Variants in GRM5 observed in about 807,000 individuals in gnomAD.
GRM5 encodes the protein metabotropic glutamate receptor 5.
In GRM5, 19 loss-of-function variants were observed where a neutral mutation model predicts 83.1. The ratio of observed to expected loss-of-function variants is 0.23; its 90% confidence interval spans 0.16 to 0.34. The LOEUF is 0.34. Ranked by LOEUF, GRM5 falls within the 10% of genes least tolerant of loss-of-function variation. The pLI, the probability that GRM5 is intolerant of heterozygous loss-of-function variation, is 1.00. For missense variants in GRM5, 1,160 were observed against 1,588.3 expected (o/e 0.73, Z 4.58); for synonymous variants, 675 against 633.6 (o/e 1.07, Z -0.98).
chr11:88,737,135 C>T (rs12290260), intron 3 of GRM5, among the ~76,000 whole-genome samples: 16,060 of 152,124 alleles, frequency 0.11, 1,716 homozygotes, highest in African/African-American at 0.28. Flanking sequence ...AAAGCTCACA[C>T]TATGAAAAGA....
intron 2 of GRM5, chr11:88,925,684 A>G: frequency 2.2e-6 from 1 of 446,128 alleles, no homozygotes; most frequent in Non-Finnish European, 4.5e-6. Flanking sequence ...GGCTGAAGCA[A>G]GCAGATCACT....
chr11:88,781,872 G>T (rs1341678478), intron 3 of GRM5, among the ~76,000 whole-genome samples: 1 of 152,156 alleles, frequency 6.6e-6, no homozygotes, highest in African/African-American at 2.4e-5. Context: ...AAGCAATGGG[G>T]CTGCCCACAG....
At chr11:88,957,830 T>G (rs1287223554) in intron 2 of GRM5, among the ~76,000 whole-genome samples, 1 of 152,094 alleles carries the variant, frequency 6.6e-6, no homozygotes, top group Non-Finnish European at 1.5e-5. Flanking sequence ...AAAATGTAAA[T>G]AGAGTTTACA....
chr11:88,644,833 C>G (rs1292056068), intron 4 of GRM5, among the ~76,000 whole-genome samples: 2 of 151,934 alleles, frequency 1.3e-5, no homozygotes, highest in Admixed American at 6.6e-5. Flanking sequence ...GAATTAAGCA[C>G]CACAGTGGCA....
At chr11:88,939,032 C>A (rs1164704379) in intron 2 of GRM5, among the ~76,000 whole-genome samples, 3 of 151,702 alleles carry the variant, frequency 2.0e-5, no homozygotes, top group Non-Finnish European at 3.0e-5. Flanking sequence ...TTCACAATTG[C>A]TCTATTTTTT....
intron 3 of GRM5, among the ~76,000 whole-genome samples, chr11:88,715,433 G>GAA (rs5793345): frequency 5.3e-5 from 8 of 150,402 alleles, no homozygotes; most frequent in African/African-American, 9.8e-5. Flanking sequence ...ATTTTTTCAT[G>GAA]AAAAAAAAAA....
At chr11:88,623,048 A>G (rs142292958) in intron 4 of GRM5, among the ~76,000 whole-genome samples, 1 of 152,174 alleles carries the variant, frequency 6.6e-6, no homozygotes, top group African/African-American at 2.4e-5. Context: ...TTAAGTGTTA[A>G]TTATGATAAT....
At chr11:88,830,162 T>C (rs993345230) in intron 3 of GRM5, among the ~76,000 whole-genome samples, 7 of 152,060 alleles carry the variant, frequency 4.6e-5, no homozygotes, top group African/African-American at 1.7e-4. Context: ...CTTATATTAA[T>C]GCTACATGTT....
intron 2 of GRM5, among the ~76,000 whole-genome samples, chr11:88,982,317 A>G (rs1317079098): frequency 6.6e-6 from 1 of 152,218 alleles, no homozygotes; most frequent in Non-Finnish European, 1.5e-5. Context: ...CATTTATAAT[A>G]CAATCTAAAA....
At chr11:88,610,966 A>G (rs1261087046) in intron 4 of GRM5, among the ~76,000 whole-genome samples, 2 of 152,144 alleles carry the variant, frequency 1.3e-5, no homozygotes, top group Non-Finnish European at 2.9e-5. Flanking sequence ...TTCTGCATCT[A>G]TTGAGATGAT....
chr11:88,539,203 G>A (rs1441701401), intron 8 of GRM5, among the ~76,000 whole-genome samples: 1 of 152,132 alleles, frequency 6.6e-6, no homozygotes, highest in African/African-American at 2.4e-5. Flanking sequence ...GAGTATCAGG[G>A]TCCCTCACTC....
intron 3 of GRM5, among the ~76,000 whole-genome samples, chr11:88,839,791 A>G (rs1337488633): frequency 9.9e-5 from 15 of 152,202 alleles, no homozygotes; most frequent in Non-Finnish European, 1.5e-4. Context: ...CTAATGGCCT[A>G]CTGTTGACCC....
rs370830717 is a variant in GRM5 at position 89,059,048 on chromosome 11, A to G, written c.-201+6728T>C. On this transcript the variant is annotated intron_variant, in intron 1 of 9. Coordinates refer to ENST00000305447, the MANE Select transcript of GRM5 (RefSeq NM_001143831.3). ...GATTATTCTTCTGTAAAATATAATG[A>G]ATGTAAGAAGGTTGCATTATTAAAG... Among the ~76,000 whole-genome samples, 26 of 152,248 alleles carry G rather than the reference A, an allele frequency of 1.7e-4. No homozygotes were observed. The East Asian group carries it at 2.7e-3, about 16-fold the overall frequency.
chr11:88,702,862 GTAGGTCAA>G, intron 3 of GRM5, among the ~76,000 whole-genome samples: 1 of 152,056 alleles, frequency 6.6e-6, no homozygotes, highest in Non-Finnish European at 1.5e-5. Flanking sequence ...TCAACCATCT[GTAGGTCAA>G]TGGGAGAGGC....
intron 2 of GRM5, among the ~76,000 whole-genome samples, chr11:88,864,467 C>CT (rs953375433): frequency 2.0e-5 from 3 of 151,944 alleles, no homozygotes; most frequent in African/African-American, 7.2e-5. Context: ...ATTTGGCTCT[C>CT]TGTTTGTCTA....
chr11:88,517,155 ACACACACG>A (rs1284568988), intron 9 of GRM5, among the ~76,000 whole-genome samples: 2 of 147,976 alleles, frequency 1.4e-5, no homozygotes, highest in Non-Finnish European at 3.0e-5. Flanking sequence ...ACACACACAC[ACACACACG>A]TTTCTGATCC....
chr11:89,022,645 C>T (rs1464972544), intron 2 of GRM5, among the ~76,000 whole-genome samples: 1 of 152,078 alleles, frequency 6.6e-6, no homozygotes, highest in Non-Finnish European at 1.5e-5. Flanking sequence ...GAGGGAGACT[C>T]CATCTCAAAG....
At chr11:88,762,471 C>G (rs1942541884) in intron 3 of GRM5, among the ~76,000 whole-genome samples, 1 of 149,774 alleles carries the variant, frequency 6.7e-6, no homozygotes, top group African/African-American at 2.5e-5. Context: ...CAAGTCAAAA[C>G]CACAATGAGA....
At chr11:89,000,010 T>C (rs1298701915) in intron 2 of GRM5, among the ~76,000 whole-genome samples, 2 of 152,110 alleles carry the variant, frequency 1.3e-5, no homozygotes, top group African/African-American at 4.8e-5. Flanking sequence ...ACACTGCATG[T>C]TCTCATTCAC....
Sources: gnomAD v4.1 joint callset for allele counts (sites outside exome capture counted in the v4.1 genomes callset) on GRCh38, gnomAD v4.1.1 for gene constraint, MANE v1.5 for transcripts, NCBI Gene and HGNC (gene_info 2026-07-23, HGNC 2026-07-21) for gene names.